Variants in KIF13B observed in about 807,000 individuals in gnomAD.
KIF13B encodes the protein kinesin family member 13B.
Under a neutral mutation model 222.0 loss-of-function variants are expected in KIF13B, and 127 were observed. That is an observed-to-expected ratio of 0.57 (90% confidence interval 0.50 to 0.66). The LOEUF is 0.66. Ranked by LOEUF, KIF13B falls within the 30% of genes least tolerant of loss-of-function variation. The pLI, the probability that KIF13B is intolerant of heterozygous loss-of-function variation, is 0.00. For missense variants in KIF13B, 2,173 were observed against 2,379.0 expected, an observed-to-expected ratio of 0.91 and a Z score of 1.80; for synonymous variants, 976 against 919.0, an observed-to-expected ratio of 1.06 and a Z score of -1.12.
chr8:29,231,774 G>GA (rs978965003), intron 2 of KIF13B, among the ~76,000 whole-genome samples: 1 of 151,256 alleles, frequency 6.6e-6, no homozygotes. Context: ...AAAAAAAAAG[G>GA]AAAAAGGCTT....
chr8:29,143,124 G>C (rs181351343), intron 18 of KIF13B, among the ~76,000 whole-genome samples: 1 of 152,146 alleles, frequency 6.6e-6, no homozygotes, highest in East Asian at 1.9e-4. Flanking sequence ...AAAGCACAGG[G>C]ATTATAGGCA....
At chr8:29,105,472 G>A (rs760578491) in intron 35 of KIF13B, among the ~76,000 whole-genome samples, 1 of 152,160 alleles carries the variant, frequency 6.6e-6, no homozygotes, top group African/African-American at 2.4e-5. Context: ...AGTCCTGTGT[G>A]AAGCCAGTGG....
intron 35 of KIF13B, among the ~76,000 whole-genome samples, chr8:29,106,546 C>G (rs1190256461): frequency 1.4e-5 from 2 of 140,456 alleles, no homozygotes; most frequent in African/African-American, 5.3e-5. Context: ...GCAGGAGAAT[C>G]ACTTGAACCT....
At chr8:29,225,169 A>G (rs1320281297) in intron 2 of KIF13B, among the ~76,000 whole-genome samples, 1 of 152,240 alleles carries the variant, frequency 6.6e-6, no homozygotes, top group Non-Finnish European at 1.5e-5. Flanking sequence ...GAATAGCACG[A>G]CAGTGTGGGA....
At chr8:29,240,066 T>C (rs567819963) in intron 2 of KIF13B, among the ~76,000 whole-genome samples, 7 of 150,294 alleles carry the variant, frequency 4.7e-5, no homozygotes, top group African/African-American at 9.7e-5. Context: ...AACAGGAAAT[T>C]TGATAAAATA....
intron 10 of KIF13B, among the ~76,000 whole-genome samples, chr8:29,174,748 T>G (rs1812406351): frequency 6.6e-6 from 1 of 152,210 alleles, no homozygotes; most frequent in Admixed American, 6.5e-5. Flanking sequence ...TGTGGAAAAT[T>G]TACTGAATTT....
At position 29,155,736 on chromosome 8, in the gene KIF13B, T is replaced by A; in HGVS notation, c.1525A>T (p.Lys509Ter). 1 of 1,605,494 alleles carries A rather than the reference T, an allele frequency of 6.2e-7. No homozygotes were observed. The highest frequency in any genetic ancestry group is 8.5e-7 in the Non-Finnish European group (1 of 1,175,452). Residue 509 changes from lysine to a stop codon, truncating the protein, a stop_gained, in exon 14 of 40, where the codon AAG becomes TAG. Coordinates refer to ENST00000524189, the MANE Select transcript of KIF13B (RefSeq NM_015254.4). LOFTEE classifies it high-confidence loss of function. The stretch of plus-strand genomic sequence containing the variant: ...ATTCAAGTATGTTACCTGGTGTTCT[T>A]CTGAGGAGTCAGCATAACCTGGCCT... ...SEGQVMLTPQ[K>*]NTRTFVNGSS...
chr8:29,262,988 T>A lies in KIF13B; in HGVS notation c.47A>T (p.Asn16Ile), dbSNP rs765399690. 7.5e-6 allele frequency: 12 copies of A among 1,589,460 alleles called. No homozygotes were observed. In the East Asian group the frequency reaches 2.6e-4, roughly 34 times the overall value. The change falls in exon 1 of 40, where the codon AAC (asparagine) becomes ATC (isoleucine). Residue 16 changes from asparagine to isoleucine, a missense_variant. Asn to Ile is a moderately radical substitution (Grantham distance 149). Around this residue, in one of 2 missense-constraint regions of KIF13B, gnomAD observed 1,480 missense variants for 1,722.8 expected, o/e 0.86. Coordinates refer to ENST00000524189, the MANE Select transcript of KIF13B (RefSeq NM_015254.4). The part of the protein sequence containing the change: ...VKVAVRIRPM[N>I]RRETDLHTKC... ...GAGGGCTCGGCTCTCACCTCGCCGG[T>A]TCATGGGTCGTATCCGCACCGCCAC...
chr8:29,078,685 G>A (rs1031451981), intron 37 of KIF13B, among the ~76,000 whole-genome samples: 1 of 152,180 alleles, frequency 6.6e-6, no homozygotes, highest in Non-Finnish European at 1.5e-5. Flanking sequence ...AGTCCCATGA[G>A]GCAAGTGAAT....
intron 13 of KIF13B, among the ~76,000 whole-genome samples, chr8:29,158,967 A>G (rs1350689233): frequency 6.6e-6 from 1 of 152,218 alleles, no homozygotes; most frequent in Non-Finnish European, 1.5e-5. Flanking sequence ...TACAATGCAA[A>G]GAAAAAGAAT....
intron 1 of KIF13B, among the ~76,000 whole-genome samples, chr8:29,250,938 T>G (rs1382328329): frequency 6.6e-6 from 1 of 152,108 alleles, no homozygotes. Context: ...TATATAGCAC[T>G]TAGAAAGCAA....
chr8:29,212,710 C>G (rs1190465400), intron 2 of KIF13B, among the ~76,000 whole-genome samples: 3 of 151,708 alleles, frequency 2.0e-5, no homozygotes, highest in Non-Finnish European at 4.4e-5. Flanking sequence ...AAAAGTAGAA[C>G]AGCTGGGTCA....
intron 18 of KIF13B, among the ~76,000 whole-genome samples, chr8:29,144,300 G>A (rs558355570): frequency 3.3e-5 from 5 of 151,984 alleles, no homozygotes; most frequent in East Asian, 1.9e-4. Flanking sequence ...TCTTTCTGTC[G>A]CCCAGGCTGG....
intron 1 of KIF13B, among the ~76,000 whole-genome samples, chr8:29,260,282 T>C (rs971124740): frequency 6.6e-6 from 1 of 152,190 alleles, no homozygotes; most frequent in Non-Finnish European, 1.5e-5. Context: ...AAGAACTTAA[T>C]ACACCAGAGT....
chr8:29,199,669 T>G (rs4732667), intron 2 of KIF13B, among the ~76,000 whole-genome samples: 129,478 of 151,812 alleles, frequency 0.85, 55,865 homozygotes, highest in Non-Finnish European at 0.9. Flanking sequence ...AAGCAGTATG[T>G]ATCTGGGATT....
Position 29,072,964 on chromosome 8 carries a change from C to T in KIF13B, c.4522-648G>A, listed in dbSNP as rs78299948. Among the ~76,000 whole-genome samples, 927 of 152,058 alleles carry T rather than the reference C, an allele frequency of 6.1e-3. 7 individuals are homozygous for T. The highest frequency in any genetic ancestry group is 0.021 in the African/African-American group (867 of 41,432). ...GGCAAAACCTAAACAATGATCTCAT[C>T]GGAGGACCGGAACACACTCAGCACA... On this transcript the variant is annotated intron_variant, in intron 38 of 39. Coordinates refer to ENST00000524189, the MANE Select transcript of KIF13B (RefSeq NM_015254.4).
chr8:29,127,317 A>G (rs1243062340), intron 24 of KIF13B, 49 bp from the exon 25 acceptor site: 2 of 1,573,740 alleles, frequency 1.3e-6, no homozygotes, highest in East Asian at 2.2e-5. Context: ...TTGATTTCCA[A>G]AAATTTGATT....
rs189706754 is a variant in KIF13B, at chr8:29,203,969, C to T, written c.150-7770G>A. Among the ~76,000 whole-genome samples the T allele has an allele frequency of 5.3e-5, 8 of 151,518 alleles. No individual in the cohort carries two copies. In the East Asian group the frequency reaches 1.5e-3, roughly 29 times the overall value. On this transcript the variant is annotated intron_variant, in intron 2 of 39. Transcript: ENST00000524189. ...AAAGACTGAAACTGGTGCCAATTAC[C>T]CCAGAAGGTAGGAGGAGACCTAGAA...
Position 29,070,640 on chromosome 8 carries a change from C to G in KIF13B, c.5345G>C (p.Arg1782Pro). 6.4e-7 allele frequency: 1 copy of G among 1,568,904 alleles called. No individual in the cohort carries two copies. Among genetic ancestry groups the G allele is most frequent in the Non-Finnish European group, 8.6e-7 (1 of 1,156,904 alleles). The change falls in exon 40 of 40, where the codon CGG becomes CCG. Residue 1782 changes from arginine to proline, a missense_variant. Physicochemically the swap from Arg to Pro is moderately radical, Grantham distance 103 (BLOSUM62 -2). This residue lies in a region of KIF13B where 693 missense variants were observed against 656.2 expected (regional missense o/e 1.06). Transcript: ENST00000524189. This position sits in a 1 kb window ranked among gnomAD's most constrained non-coding sequence, Gnocchi z 4.1. ...GPVRRRSTGL[R>P]LGAPEARRSA... is the part of the protein sequence containing the mutation. ...CCGGCGGGCCTCGGGGGCACCCAGC[C>G]GGAGTCCTGTGCTGCGCCGCCGCAC... is the stretch of plus-strand genomic sequence containing the variant.
Sources: gnomAD v4.1 joint callset for allele counts (sites outside exome capture counted in the v4.1 genomes callset) on GRCh38, gnomAD v4.1.1 for gene constraint, gnomAD v4.1.1 regional missense constraint, Gnocchi (gnomAD v3.1) non-coding constraint, MANE v1.5 for transcripts, NCBI Gene and HGNC (gene_info 2026-07-23, HGNC 2026-07-21) for gene names.